DGUOK: variants seen among roughly 807,000 people sequenced by gnomAD.
The protein encoded by DGUOK is deoxyguanosine kinase, mitochondrial.
DGUOK carries 30 observed loss-of-function variants against 36.6 expected under a neutral mutation model. The ratio of observed to expected loss-of-function variants is 0.82; its 90% CI spans 0.61 to 1.11. DGUOK has a LOEUF of 1.11. DGUOK is among the 50% of genes most tolerant of loss of function. The probability of loss-of-function intolerance (pLI) is 0.00; values close to 1 mark genes in which losing one functional copy is unlikely to be tolerated. For synonymous variants in DGUOK, 145 were observed against 126.3 expected, an observed-to-expected ratio of 1.15 and a Z score of -0.99; for missense variants, 361 against 336.4, an observed-to-expected ratio of 1.07 and a Z score of -0.57.
At chr2:73,957,298 G>C (rs1362312515) in intron 5 of DGUOK, 58 bp downstream of exon 5, 3 of 1,356,514 alleles carry the variant, frequency 2.2e-6, no homozygotes, top group Non-Finnish European at 3.1e-6. Context: ...ACAGCCAGTT[G>C]TTAAAAACAA....
chr2:73,951,722 TAAG>T (rs1682718852), intron 4 of DGUOK, among the ~76,000 whole-genome samples: 1 of 152,074 alleles, frequency 6.6e-6, no homozygotes, highest in African/African-American at 2.4e-5. Flanking sequence ...GGTCTTGCCT[TAAG>T]AAGGTGGCAA....
At chr2:73,940,602 A>G (rs890530577) in intron 2 of DGUOK, among the ~76,000 whole-genome samples, 2 of 152,256 alleles carry the variant, frequency 1.3e-5, no homozygotes, top group African/African-American at 4.8e-5. Flanking sequence ...GTGTATTTCA[A>G]AATACAGTCA....
chr2:73,938,719 T>G (rs1681664895), intron 1 of DGUOK, among the ~76,000 whole-genome samples, 191 bp from the exon 2 acceptor site: 1 of 152,182 alleles, frequency 6.6e-6, no homozygotes, highest in Non-Finnish European at 1.5e-5. Context: ...TTGGCTGTAT[T>G]CATTATGGTG....
In DGUOK at chr2:73,937,664, A is replaced by T. The variant is rs143677297; in HGVS notation, c.143-1246A>T. On this transcript the variant is annotated intron_variant, in intron 1 of 6. Transcript: ENST00000264093. ...GAAAGATGATTAGTTCATTTAGGAA[A>T]TATGTTGACTTTGAGGTGTTTGTGG... Among the ~76,000 whole-genome samples, 20 of 152,318 alleles carry T rather than the reference A, an allele frequency of 1.3e-4. No individual in the cohort carries two copies. The East Asian group carries it at 3.9e-3, about 29-fold the overall frequency.
intron 1 of DGUOK, among the ~76,000 whole-genome samples, chr2:73,936,629 A>T (rs1487151793): frequency 6.6e-6 from 1 of 152,212 alleles, no homozygotes; most frequent in Non-Finnish European, 1.5e-5. Context: ...CCCTTGAGAA[A>T]GATTACTTCT....
intron 1 of DGUOK, among the ~76,000 whole-genome samples, chr2:73,931,527 A>G (rs1189890130): frequency 6.6e-6 from 1 of 152,172 alleles, no homozygotes; most frequent in African/African-American, 2.4e-5. Context: ...AAGAGGTTGG[A>G]AGGGTGGGAT....
chr2:73,949,339 CTCA>C (rs1682551334), intron 3 of DGUOK, among the ~76,000 whole-genome samples: 1 of 152,174 alleles, frequency 6.6e-6, no homozygotes, highest in Admixed American at 6.5e-5. Context: ...TTTATTTGTT[CTCA>C]TCAACTAGAC....
intron 1 of DGUOK, chr2:73,932,590 A>T (rs1681133111): frequency 2.3e-6 from 3 of 1,289,126 alleles, no homozygotes; most frequent in Non-Finnish European, 2.0e-6. Context: ...CATCTTCTCT[A>T]ATCACAGGTA....
At chr2:73,948,751 C>T (rs1328883349) in intron 3 of DGUOK, among the ~76,000 whole-genome samples, 1 of 152,186 alleles carries the variant, frequency 6.6e-6, no homozygotes, top group Admixed American at 6.5e-5. Flanking sequence ...GAGGCCCTGA[C>T]TCCTAGATCC....
chr2:73,953,677 C>G (rs932216901), intron 4 of DGUOK, among the ~76,000 whole-genome samples: 1 of 147,630 alleles, frequency 6.8e-6, no homozygotes, highest in Non-Finnish European at 1.5e-5. Flanking sequence ...AGATGGACTT[C>G]GTAGGTCCTT....
chr2:73,938,650 C>T (rs867760550), intron 1 of DGUOK, among the ~76,000 whole-genome samples: 1 of 152,184 alleles, frequency 6.6e-6, no homozygotes, highest in African/African-American at 2.4e-5. Flanking sequence ...TGCTCTGCCT[C>T]TGGAAGGTTG....
At chr2:73,956,244 A>G (rs1229760343) in intron 4 of DGUOK, among the ~76,000 whole-genome samples, 1 of 152,230 alleles carries the variant, frequency 6.6e-6, no homozygotes, top group Non-Finnish European at 1.5e-5. Flanking sequence ...AGTTAGTCTC[A>G]AGCCTCACTT....
At position 73,936,863 on chromosome 2, in the gene DGUOK, T is replaced by C. The variant is rs143361093; in HGVS notation, c.143-2047T>C. Among the ~76,000 whole-genome samples the C allele has an allele frequency of 2.9e-3, 438 of 152,218 alleles. 1 individual carries two copies. The highest frequency in any genetic ancestry group is 0.01 in the African/African-American group (423 of 41,526). On this transcript the variant is annotated intron_variant, in intron 1 of 6. Transcript: ENST00000264093. ...GGAGTCTCACCCAGAATACCAACCA[T>C]GCAGAAAGGAGGACTAGCTAATCCA...
At chr2:73,938,809 T>A in intron 1 of DGUOK, 101 bp from the exon 2 acceptor site, 1 of 808,726 alleles carries the variant, frequency 1.2e-6, no homozygotes, top group Non-Finnish European at 2.2e-6. Flanking sequence ...AAACTAATAC[T>A]TGTTCCCTTG....
At chr2:73,929,802 A>G (rs749468921) in intron 1 of DGUOK, among the ~76,000 whole-genome samples, 5 of 152,150 alleles carry the variant, frequency 3.3e-5, no homozygotes, top group African/African-American at 1.2e-4. Flanking sequence ...CCTAATTGGT[A>G]TAGGTTCAAG....
Position 73,950,738 on chromosome 2 carries a change from A to G in DGUOK, c.591+6A>G. On this transcript the variant is annotated splice_donor_region_variant and intron_variant, in intron 4 of 6. Coordinates refer to ENST00000264093, the MANE Select transcript of DGUOK (RefSeq NM_080916.3). ...ACCTCCAGGCTTCTCCCCAGGTAACACTGAACCTACAACCTTAGACTTTAG... is the reference window on the plus strand; with the variant it reads ...ACCTCCAGGCTTCTCCCCAGGTAACGCTGAACCTACAACCTTAGACTTTAG... 6 of 1,614,126 alleles carry G rather than the reference A, an allele frequency of 3.7e-6. No homozygotes were observed. Among genetic ancestry groups the G allele is most frequent in the South Asian group, 1.1e-5 (1 of 91,070 alleles).
chr2:73,935,990 T>G (rs1027400244), intron 1 of DGUOK, among the ~76,000 whole-genome samples: 3 of 152,250 alleles, frequency 2.0e-5, no homozygotes, highest in Non-Finnish European at 2.9e-5. Context: ...TCTGCAACAG[T>G]TTTTTAAGGT....
At chr2:73,935,182 T>C (rs1315541191) in intron 1 of DGUOK, among the ~76,000 whole-genome samples, 1 of 150,700 alleles carries the variant, frequency 6.6e-6, no homozygotes, top group East Asian at 2.0e-4. Context: ...CAGAGGTTGC[T>C]GTGAGCCAAG....
intron 4 of DGUOK, among the ~76,000 whole-genome samples, chr2:73,954,130 C>T (rs995349525): frequency 6.6e-6 from 1 of 151,990 alleles, no homozygotes. Flanking sequence ...CTGCTTGAGC[C>T]CAGGAGTTTA....
Sources: allele counts gnomAD v4.1 joint callset (sites outside exome capture counted in the v4.1 genomes callset), GRCh38; gene constraint gnomAD v4.1.1; transcripts MANE v1.5; gene names NCBI Gene and HGNC (gene_info 2026-07-23, HGNC 2026-07-21).